Variants in UNKL observed in about 807,000 individuals in gnomAD.
UNKL encodes unk like zinc finger.
UNKL carries 60 observed loss-of-function variants against 78.0 expected under a neutral mutation model. The observed-to-expected ratio is 0.77, with a 90% CI of 0.63 to 0.95. The LOEUF (loss-of-function observed/expected upper bound fraction) is 0.95. Ranked by LOEUF, UNKL falls within the 40% of genes least tolerant of loss-of-function variation. The pLI is 0.00. For missense variants in UNKL, 1,159 were observed against 1,045.7 expected (o/e 1.11, Z -1.49); for synonymous variants, 608 against 474.8 (o/e 1.28, Z -3.65).
chr16:1,393,689 C>T (rs1020847399), intron 7 of UNKL, among the ~76,000 whole-genome samples: 4 of 152,334 alleles, frequency 2.6e-5, no homozygotes, highest in South Asian at 2.1e-4. Context: ...CGAGCTGGGG[C>T]GGACAGACCC....
At chr16:1,391,237 G>T (rs1043751395) in intron 8 of UNKL, among the ~76,000 whole-genome samples, 1 of 76,216 alleles carries the variant, frequency 1.3e-5, no homozygotes, top group African/African-American at 6.4e-5. Flanking sequence ...GTCCCTTAAA[G>T]ATACACACAC....
At chr16:1,398,679 G>GCCCCCCCCCCCCCC in intron 5 of UNKL, 4 of 1,356,318 alleles carry the variant, frequency 2.9e-6, no homozygotes, top group Non-Finnish European at 3.8e-6. Context: ...TGTGGGGTCT[G>GCCCCCCCCCCCCCC]CACCCCCCCA....
At chr16:1,367,023 C>G (rs1479207616) in intron 14 of UNKL, 69 bp downstream of exon 14, 18 of 1,456,578 alleles carry the variant, frequency 1.2e-5, no homozygotes, top group Non-Finnish European at 1.5e-5. Context: ...CCAGCCAGGG[C>G]CCTCCCCAGA....
At position 1,403,152 on chromosome 16, in the gene UNKL, G is replaced by T; in HGVS notation, c.464+16C>A. On this transcript the variant is annotated intron_variant, in intron 3 of 14. Coordinates refer to ENST00000389221, the MANE Select transcript of UNKL (RefSeq NM_001372107.1). This position sits in a 1 kb window ranked among gnomAD's most constrained non-coding sequence, Gnocchi z 4.8. Reference sequence around the variant, plus strand: ...CAGCAGGCAGGCCAAGTGCCCACTCGTGGATGCCCACTCACCTGACGTCAC... The same window carrying T: ...CAGCAGGCAGGCCAAGTGCCCACTCTTGGATGCCCACTCACCTGACGTCAC... 1 of 1,602,352 alleles carries T rather than the reference G, an allele frequency of 6.2e-7. No individual in the cohort carries two copies.
At chr16:1,414,540 C>A (rs1316066965) in intron 1 of UNKL, 75 bp downstream of exon 1, 8 of 518,890 alleles carry the variant, frequency 1.5e-5, no homozygotes, top group Non-Finnish European at 2.0e-5. Context: ...GCGGCGGAGG[C>A]GGCGCGAGCC....
intron 10 of UNKL, chr16:1,379,760 A>C (rs1200943749): frequency 3.8e-6 from 3 of 795,964 alleles, no homozygotes; most frequent in African/African-American, 3.7e-5. Flanking sequence ...CGCACTGGCC[A>C]CGCCCCCCGC....
At position 1,379,450 on chromosome 16, in the gene UNKL, G is replaced by A. The variant is rs1437847134; in HGVS notation, c.1264+5758C>T. 5 of 980,566 alleles carry A rather than the reference G, an allele frequency of 5.1e-6. No individual in the cohort carries two copies. The African/African-American group carries it at 5.3e-5, about 10-fold the overall frequency. 60.7% of individuals were successfully genotyped at this position (980,566 alleles called of 1,614,324 possible). A position where few individuals can be genotyped will look rare whatever the true frequency, so the allele number is the denominator to read the frequency against. ...CAGAGGCAGGTTCCGAGAAGGCGAC[G>A]CCTTCGCCTCGCTCCGGGCCTCTGA... On this transcript the variant is annotated intron_variant, in intron 10 of 14. Transcript: ENST00000389221.
intron 10 of UNKL, chr16:1,383,885 C>T (rs759031820): frequency 4.8e-6 from 2 of 412,976 alleles, no homozygotes; most frequent in South Asian, 1.7e-5. Context: ...TCCCCCGCCA[C>T]ACCCTGCACA....
At position 1,413,739 on chromosome 16, in the gene UNKL, G is replaced by A. The variant is rs907460965; in HGVS notation, c.287+107C>T. ...GCGTATAATTACGACTCCCTCTGCA[G>A]GGGCCAGGTATGGACACTAAGGCGT... is the stretch of plus-strand genomic sequence containing the variant. On this transcript the variant is annotated intron_variant, in intron 2 of 14. Coordinates refer to ENST00000389221, the MANE Select transcript of UNKL (RefSeq NM_001372107.1). The A allele has an allele frequency of 4.0e-6, 5 of 1,248,442 alleles. No homozygotes were observed. In the East Asian group the frequency reaches 7.7e-5, roughly 19 times the overall value. 77.3% of individuals were successfully genotyped at this position (1,248,442 alleles called of 1,614,324 possible).
At chr16:1,375,206 G>A (rs939036629) in intron 10 of UNKL, among the ~76,000 whole-genome samples, 6 of 152,228 alleles carry the variant, frequency 3.9e-5, no homozygotes, top group African/African-American at 7.2e-5. Flanking sequence ...TGGCGTGGAC[G>A]TGGCGCAGCT....
Position 1,370,346 on chromosome 16 carries a change from G to A in UNKL, c.1369C>T (p.Leu457=), listed in dbSNP as rs1222701670. ...HDLGAAGPRS[L]AGSAPVAIPG... ...ATGGCGACAGGTGCAGAGCCGGCCA[G>A]CGACCTGGGACCTGGCGGGGGCGGA... Residue 457 remains leucine (L), a synonymous_variant, in exon 12 of 15, where the codon CTG becomes TTG. Coordinates refer to ENST00000389221, the MANE Select transcript of UNKL (RefSeq NM_001372107.1). 7 of 1,532,778 alleles carry A rather than the reference G, an allele frequency of 4.6e-6. No homozygotes were observed. Among genetic ancestry groups the A allele is most frequent in the African/African-American group, 1.4e-5 (1 of 72,914 alleles). The allele number at this position is 1,532,778 out of a possible 1,614,324, so 94.9% of individuals were successfully genotyped here.
Position 1,367,771 on chromosome 16 carries a change from G to T in UNKL, c.1673C>A (p.Pro558Gln), listed in dbSNP as rs866065884. 3.2e-6 allele frequency: 5 copies of T among 1,573,204 alleles called. No individual in the cohort carries two copies. In the South Asian group the frequency reaches 3.5e-5, roughly 11 times the overall value. ...GTTTGGACTTGCACTCGAAGAGGAT[G>T]GGGGGCCGGCACTCAGGATGGGGGA... ...SPSPILSAGP[P>Q]SSSSASPNGA... The change falls in exon 13 of 15, where the codon CCA becomes CAA. Residue 558 changes from proline to glutamine, a missense_variant. By Grantham distance (76) the Pro-to-Gln change is moderately conservative. Transcript: ENST00000389221.
chr16:1,368,238 C>A (rs2047086849), intron 12 of UNKL: 1 of 305,944 alleles, frequency 3.3e-6, no homozygotes, highest in Admixed American at 4.7e-5. Context: ...CCCCACAGAG[C>A]TGTGTCCATG....
intron 10 of UNKL, chr16:1,383,834 C>T (rs773283291): frequency 5.2e-5 from 23 of 439,286 alleles, no homozygotes; most frequent in Admixed American, 2.6e-4. Context: ...GCCCCCACCA[C>T]GTGGCTCCAG....
intron 4 of UNKL, 45 bp downstream of exon 4, chr16:1,401,523 G>GGGGGGGCCC: frequency 6.8e-7 from 1 of 1,470,314 alleles, no homozygotes; most frequent in Non-Finnish European, 9.1e-7. Flanking sequence ...CTCGCGCTGT[G>GGGGGGGCCC]CCCGCCCCCC....
chr16:1,400,583 G>C (rs1459684116), intron 4 of UNKL, among the ~76,000 whole-genome samples: 2 of 152,058 alleles, frequency 1.3e-5, no homozygotes, highest in African/African-American at 2.4e-5. Flanking sequence ...CTGCAGGGAT[G>C]GAATGTTCTG....
intron 7 of UNKL, among the ~76,000 whole-genome samples, chr16:1,393,291 C>G (rs985776138): frequency 1.3e-4 from 20 of 152,338 alleles, no homozygotes; most frequent in African/African-American, 3.4e-4. Context: ...ACCTGGAACC[C>G]AAATCCTAGG....
chr16:1,413,787 C>G, intron 2 of UNKL, 59 bp downstream of exon 2: 1 of 1,462,176 alleles, frequency 6.8e-7, no homozygotes, highest in East Asian at 2.5e-5. Context: ...CCGGCCGCAT[C>G]CCCGGGTGGA....
chr16:1,414,565 C>T (rs755866226), intron 1 of UNKL, 50 bp downstream of exon 1: 20 of 886,318 alleles, frequency 2.3e-5, no homozygotes, highest in Non-Finnish European at 2.7e-5. Context: ...CGGGAGGCTC[C>T]GAGCTGCACC....
Sources: allele counts gnomAD v4.1 joint callset (sites outside exome capture counted in the v4.1 genomes callset), GRCh38; gene constraint gnomAD v4.1.1; non-coding constraint Gnocchi (gnomAD v3.1); transcripts MANE v1.5; gene names NCBI Gene and HGNC (gene_info 2026-07-23, HGNC 2026-07-21).